Variants in IMMP2L observed in about 807,000 individuals in gnomAD.
IMMP2L encodes the protein mitochondrial inner membrane protease subunit 2.
In IMMP2L, 18 loss-of-function variants were observed where a neutral mutation model predicts 19.3. The observed-to-expected ratio is 0.93, with a 90% CI of 0.64 to 1.38. The LOEUF (loss-of-function observed/expected upper bound fraction) is 1.38. Ranked by LOEUF, IMMP2L falls within the 40% of genes most tolerant of loss-of-function variation. The pLI, the probability that IMMP2L is intolerant of heterozygous loss-of-function variation, is 0.00. For synonymous variants in IMMP2L, 76 were observed against 73.0 expected (o/e 1.04, Z -0.21); for missense variants, 233 against 218.2 (o/e 1.07, Z -0.43).
intron 3 of IMMP2L, among the ~76,000 whole-genome samples, chr7:111,313,503 G>GT (rs1450061927): frequency 6.6e-6 from 1 of 152,068 alleles, no homozygotes; most frequent in Non-Finnish European, 1.5e-5. Flanking sequence ...TTAAATATAT[G>GT]TTTTATGGTA....
intron 3 of IMMP2L, among the ~76,000 whole-genome samples, chr7:111,242,586 T>C (rs539426591): frequency 1.3e-5 from 2 of 152,178 alleles, no homozygotes; most frequent in South Asian, 4.1e-4. Flanking sequence ...GCATCGGCTG[T>C]ATTTCACCTA....
chr7:110,792,980 AAAG>A (rs1215642551), intron 5 of IMMP2L, among the ~76,000 whole-genome samples: 43 of 152,230 alleles, frequency 2.8e-4, no homozygotes, highest in Non-Finnish European at 1.5e-5. Flanking sequence ...CCAGACACAG[AAAG>A]AAGGAGACTG....
At position 111,103,913 on chromosome 7, in the gene IMMP2L, G is replaced by GA. The variant is rs1186469814; in HGVS notation, c.240-140349dup. Among the ~76,000 whole-genome samples, 14 of 151,616 alleles carry GA rather than the reference G, an allele frequency of 9.2e-5. 1 individual carries two copies. The East Asian group carries it at 2.3e-3, about 25-fold the overall frequency. ...CCTTAATGACTAGGCTGCTTCTATT[G>GA]AACACCATTTTGAGAGTACCAGAGA... is the stretch of plus-strand genomic sequence containing the variant. On this transcript the variant is annotated intron_variant, in intron 3 of 5. Transcript: ENST00000405709.
chr7:111,558,233 C>T (rs1177336997), intron 1 of IMMP2L, among the ~76,000 whole-genome samples: 1 of 152,106 alleles, frequency 6.6e-6, no homozygotes, highest in African/African-American at 2.4e-5. Flanking sequence ...CAGTTCACAA[C>T]CCCTCTCCTT....
chr7:111,383,639 TA>T (rs1301594188), intron 3 of IMMP2L, among the ~76,000 whole-genome samples: 1 of 152,120 alleles, frequency 6.6e-6, no homozygotes, highest in East Asian at 1.9e-4. Flanking sequence ...TACATTTTTA[TA>T]AATAATGCAT....
At chr7:111,082,292 C>T (rs1795949007) in intron 3 of IMMP2L, among the ~76,000 whole-genome samples, 1 of 152,150 alleles carries the variant, frequency 6.6e-6, no homozygotes, top group African/African-American at 2.4e-5. Flanking sequence ...AAGAATAGGT[C>T]AGAAGAACAT....
At chr7:111,201,721 A>C (rs1373406453) in intron 3 of IMMP2L, among the ~76,000 whole-genome samples, 2 of 151,934 alleles carry the variant, frequency 1.3e-5, no homozygotes, top group Admixed American at 6.6e-5. Context: ...GTCTCAAAAA[A>C]AAAAAAAGGA....
intron 3 of IMMP2L, among the ~76,000 whole-genome samples, chr7:111,366,377 ATTC>A (rs914939906): frequency 6.6e-6 from 1 of 151,734 alleles, no homozygotes; most frequent in African/African-American, 2.4e-5. Flanking sequence ...AGGGCGCTGT[ATTC>A]TTCAAATATA....
chr7:111,382,285 T>C (rs1303929994), intron 3 of IMMP2L, among the ~76,000 whole-genome samples: 1 of 151,152 alleles, frequency 6.6e-6, no homozygotes, highest in East Asian at 1.9e-4. Flanking sequence ...GAAGTAACAT[T>C]CAATAGAATC....
intron 3 of IMMP2L, among the ~76,000 whole-genome samples, chr7:111,266,706 C>G (rs1817877752): frequency 6.6e-6 from 1 of 152,082 alleles, no homozygotes; most frequent in Admixed American, 6.6e-5. Context: ...TAGACTAAGT[C>G]CCCAGTTAAA....
intron 4 of IMMP2L, among the ~76,000 whole-genome samples, chr7:110,898,075 T>A (rs537584846): frequency 6.6e-6 from 1 of 151,688 alleles, no homozygotes; most frequent in Non-Finnish European, 1.5e-5. Flanking sequence ...CATTATGATG[T>A]TACCATATTT....
intron 2 of IMMP2L, among the ~76,000 whole-genome samples, chr7:111,518,929 T>C (rs1341820824): frequency 6.6e-6 from 1 of 152,102 alleles, no homozygotes; most frequent in East Asian, 1.9e-4. Context: ...CACAGAACAA[T>C]GTGATTCAAA....
chr7:110,988,562 T>A (rs1053242262), intron 3 of IMMP2L, among the ~76,000 whole-genome samples: 1 of 152,100 alleles, frequency 6.6e-6, no homozygotes, highest in Non-Finnish European at 1.5e-5. Context: ...CTTTGCTACA[T>A]GTGTACAGGG....
intron 3 of IMMP2L, among the ~76,000 whole-genome samples, chr7:111,364,846 T>A (rs1829615653): frequency 6.6e-6 from 1 of 151,364 alleles, no homozygotes; most frequent in East Asian, 2.0e-4. Context: ...TGGCAGGCGC[T>A]GTAATCCCAG....
chr7:110,853,288 T>C (rs1035425092), intron 5 of IMMP2L, among the ~76,000 whole-genome samples: 2 of 152,062 alleles, frequency 1.3e-5, no homozygotes, highest in African/African-American at 4.8e-5. Flanking sequence ...TTCATTGGTA[T>C]TGTTCTGTAA....
chr7:110,793,960 C>T (rs1029833725), intron 5 of IMMP2L, among the ~76,000 whole-genome samples: 4 of 151,928 alleles, frequency 2.6e-5, no homozygotes, highest in Admixed American at 1.3e-4. Context: ...AACAAGTTAC[C>T]ACTACATAAC....
intron 5 of IMMP2L, among the ~76,000 whole-genome samples, chr7:110,785,148 A>G (rs942955346): frequency 3.9e-5 from 6 of 151,912 alleles, no homozygotes; most frequent in African/African-American, 1.4e-4. Flanking sequence ...AGAATGCTCA[A>G]TTATGTCTGA....
At chr7:111,316,588 C>A (rs929348884) in intron 3 of IMMP2L, among the ~76,000 whole-genome samples, 4 of 151,976 alleles carry the variant, frequency 2.6e-5, no homozygotes, top group Non-Finnish European at 5.9e-5. Context: ...ATAAATTTAA[C>A]ACACACATTT....
intron 3 of IMMP2L, among the ~76,000 whole-genome samples, chr7:111,215,208 G>A (rs1431110815): frequency 3.3e-5 from 5 of 152,140 alleles, no homozygotes; most frequent in Admixed American, 2.0e-4. Context: ...CCTAAGCACT[G>A]TAAGTACTTT....
Sources: gnomAD v4.1 joint callset for allele counts (sites outside exome capture counted in the v4.1 genomes callset) on GRCh38, gnomAD v4.1.1 for gene constraint, MANE v1.5 for transcripts, NCBI Gene and HGNC (gene_info 2026-07-23, HGNC 2026-07-21) for gene names.